MGST2: variants seen among roughly 807,000 people sequenced by gnomAD.
MGST2 encodes the protein glutathione peroxidase MGST2.
In MGST2, 9 loss-of-function variants were observed where a neutral mutation model predicts 16.6. That is an observed-to-expected ratio of 0.54 (90% confidence interval 0.33 to 0.95). The LOEUF is 0.95. Ranked by LOEUF, MGST2 falls within the 40% of genes least tolerant of loss-of-function variation. MGST2 has a pLI of 0.03. For synonymous variants in MGST2, 79 were observed against 68.0 expected, an observed-to-expected ratio of 1.16 and a Z score of -0.79; for missense variants, 159 against 175.1, an observed-to-expected ratio of 0.91 and a Z score of 0.52.
At chr4:139,726,813 A>C (rs554413159) in intron 5 of MGST2, among the ~76,000 whole-genome samples, 1 of 152,322 alleles carries the variant, frequency 6.6e-6, no homozygotes, top group South Asian at 2.1e-4. Context: ...TGTTGCTACC[A>C]ATATGCTGGG....
At chr4:139,746,721 C>G in the MGST2 span, among the ~76,000 whole-genome samples, 5 of 152,198 alleles carry the variant, frequency 3.3e-5, no homozygotes, top group Admixed American at 6.5e-5. Flanking sequence ...TCACCTCCCC[C>G]CTTCTCCTCC....
At chr4:139,686,155 G>A (rs372972865) in intron 2 of MGST2, among the ~76,000 whole-genome samples, 1 of 152,216 alleles carries the variant, frequency 6.6e-6, no homozygotes, top group Admixed American at 6.5e-5. Flanking sequence ...ACAATGTGAA[G>A]TGTGGTGGGG....
chr4:139,738,314 C>T (rs1427973851), intron 5 of MGST2, among the ~76,000 whole-genome samples: 2 of 152,178 alleles, frequency 1.3e-5, no homozygotes, highest in Non-Finnish European at 2.9e-5. Context: ...GAGGCTAAGG[C>T]GGGTGGATCA....
At chr4:139,734,834 C>T (rs1056167715) in intron 5 of MGST2, among the ~76,000 whole-genome samples, 5 of 152,268 alleles carry the variant, frequency 3.3e-5, no homozygotes. Flanking sequence ...CAGGGAATCA[C>T]AAAAGACGGC....
At chr4:139,691,663 G>A (rs1726588133) in intron 2 of MGST2, among the ~76,000 whole-genome samples, 1 of 145,724 alleles carries the variant, frequency 6.9e-6, no homozygotes, top group Non-Finnish European at 1.5e-5. Context: ...CCCACTGGCA[G>A]TCAGATGATG....
At chr4:139,723,112 T>C (rs1181227246) in intron 5 of MGST2, among the ~76,000 whole-genome samples, 3 of 152,256 alleles carry the variant, frequency 2.0e-5, no homozygotes, top group African/African-American at 7.2e-5. Context: ...CATATCTATA[T>C]GAGTGCGAAA....
downstream of MGST2, among the ~76,000 whole-genome samples, chr4:139,742,456 A>G (rs1294402103): frequency 6.6e-6 from 1 of 152,132 alleles, no homozygotes; most frequent in Non-Finnish European, 1.5e-5. Flanking sequence ...GCCGTCTTAA[A>G]CTTTTCACTC....
chr4:139,753,347 TC>T, the MGST2 span, among the ~76,000 whole-genome samples: 2 of 149,748 alleles, frequency 1.3e-5, no homozygotes, highest in African/African-American at 5.0e-5. Flanking sequence ...TTTTAATCTA[TC>T]TATCTATCTA....
chr4:139,711,027 G>A (rs886198275), intron 5 of MGST2, among the ~76,000 whole-genome samples: 54 of 132,192 alleles, frequency 4.1e-4, no homozygotes, highest in Non-Finnish European at 6.7e-4. Flanking sequence ...TTTTTTTTTT[G>A]TTTTGAGACA....
At chr4:139,732,865 AAATT>A (rs1417643309) in intron 5 of MGST2, among the ~76,000 whole-genome samples, 2 of 152,184 alleles carry the variant, frequency 1.3e-5, no homozygotes, top group Non-Finnish European at 2.9e-5. Context: ...GCTGTAGCTG[AAATT>A]AATAAAATGT....
chr4:139,670,922 G>T (rs1422327749), intron 1 of MGST2, among the ~76,000 whole-genome samples: 1 of 148,350 alleles, frequency 6.7e-6, no homozygotes, highest in Non-Finnish European at 1.5e-5. Flanking sequence ...AAAAAAAAAA[G>T]ATAAAGAGGT....
intron 1 of MGST2, among the ~76,000 whole-genome samples, chr4:139,672,852 A>G (rs1360265877): frequency 1.3e-5 from 2 of 152,126 alleles, no homozygotes. Context: ...CTGGGCCCGG[A>G]CAGCATTTAC....
intron 5 of MGST2, chr4:139,730,285 G>A: frequency 1.3e-6 from 1 of 795,058 alleles, no homozygotes; most frequent in Non-Finnish European, 2.0e-6. Flanking sequence ...GTTCTCTTGT[G>A]ATCCTGGGAA....
At chr4:139,695,083 G>T in intron 2 of MGST2, 114 bp from the exon 3 acceptor site, 1 of 740,366 alleles carries the variant, frequency 1.4e-6, no homozygotes, top group South Asian at 1.6e-5. Flanking sequence ...AAACTCTTTT[G>T]TAAGTTCTTA....
chr4:139,704,838 T>C (rs1417283077), downstream of MGST2, among the ~76,000 whole-genome samples: 1 of 151,928 alleles, frequency 6.6e-6, no homozygotes, highest in African/African-American at 2.4e-5. Flanking sequence ...AGGAGAATGG[T>C]GTGAACCTGG....
intron 2 of MGST2, 95 bp downstream of exon 2, chr4:139,678,737 T>C: frequency 1.1e-6 from 1 of 927,722 alleles, no homozygotes; most frequent in Non-Finnish European, 1.8e-6. Context: ...GACCCTAAGT[T>C]CATGTGCAAT....
At chr4:139,744,788 C>G (rs1021551491), downstream of MGST2, among the ~76,000 whole-genome samples, 2 of 152,016 alleles carry the variant, frequency 1.3e-5, no homozygotes, top group East Asian at 3.9e-4. Flanking sequence ...ATGACACCAG[C>G]TGGTCAAGAG....
chr4:139,744,216 G>C (rs138992295), downstream of MGST2, among the ~76,000 whole-genome samples: 1 of 152,306 alleles, frequency 6.6e-6, no homozygotes, highest in East Asian at 1.9e-4. Context: ...CCTAATAGAG[G>C]TTCAGGGATC....
At chr4:139,698,554 T>C (rs1390925622) in intron 3 of MGST2, 9 of 909,252 alleles carry the variant, frequency 9.9e-6, no homozygotes, top group African/African-American at 8.3e-5. Context: ...GTACGAGCCA[T>C]GGTACAGAGA....
Sources: gnomAD v4.1 joint callset for allele counts (sites outside exome capture counted in the v4.1 genomes callset) on GRCh38, gnomAD v4.1.1 for gene constraint, MANE v1.5 for transcripts, NCBI Gene and HGNC (gene_info 2026-07-23, HGNC 2026-07-21) for gene names.